Variants in GPRC5C observed in about 807,000 individuals in gnomAD.
The protein encoded by GPRC5C is G protein-coupled receptor class C group 5 member C.
A neutral mutation model predicts 31.4 loss-of-function variants in GPRC5C; 22 were observed. The observed-to-expected ratio is 0.70, with a 90% confidence interval of 0.50 to 1.00. The LOEUF (loss-of-function observed/expected upper bound fraction) is 1.00, where lower values mean the gene tolerates loss of function less well. Among genes scored for constraint, GPRC5C ranks in the 50% least tolerant of loss-of-function variants. The pLI is 0.00. For missense variants in GPRC5C, 557 were observed against 597.2 expected (o/e 0.93, Z 0.70); for synonymous variants, 249 against 257.5 (o/e 0.97, Z 0.32).
chr17:74,436,172 A>G (rs553408493), intron 1 of GPRC5C, among the ~76,000 whole-genome samples: 1 of 152,316 alleles, frequency 6.6e-6, no homozygotes, highest in East Asian at 1.9e-4. Context: ...CAGCAGCTGC[A>G]GCCTCCCTTT....
chr17:74,443,635 G>C (rs1342384086), intron 2 of GPRC5C, 183 bp from the exon 3 acceptor site: 2 of 698,000 alleles, frequency 2.9e-6, no homozygotes, highest in African/African-American at 3.5e-5. Context: ...AGGCTTGGGA[G>C]GGGGCCCCCG....
downstream of GPRC5C, among the ~76,000 whole-genome samples, chr17:74,448,235 A>G (rs1376862219): frequency 6.6e-6 from 1 of 152,204 alleles, no homozygotes; most frequent in Non-Finnish European, 1.5e-5. Context: ...CAGGAGGTCG[A>G]GGCTGCAGTG....
chr17:74,440,753 C>T lies in GPRC5C; in HGVS notation c.977C>T (p.Thr326Ile). 6.3e-7 allele frequency: 1 copy of T among 1,584,948 alleles called. No individual in the cohort carries two copies. Among genetic ancestry groups the T allele is most frequent in the Non-Finnish European group, 8.6e-7 (1 of 1,160,040 alleles). ...MYPTRGVGYE[T>I]ILKEQKGQSM... Reference sequence around the variant, plus strand: ...CCCACCCGGGGCGTGGGCTATGAGACCATCCTGAAAGAGCAGAAGGGTCAG... The same window carrying T: ...CCCACCCGGGGCGTGGGCTATGAGATCATCCTGAAAGAGCAGAAGGGTCAG... The change falls in exon 2 of 4, where the codon ACC becomes ATC. Residue 326 changes from threonine to isoleucine, a missense_variant. Thr to Ile is a moderately conservative substitution (Grantham distance 89). Transcript: ENST00000392627. The surrounding 1 kb of genome is among the most constrained non-coding windows in gnomAD (Gnocchi z 4.4).
chr17:74,446,924 C>T lies in GPRC5C; in HGVS notation c.1222C>T (p.Leu408=), dbSNP rs1268657627. The T allele has an allele frequency of 3.1e-6, 5 of 1,614,030 alleles. No homozygotes were observed. The highest frequency in any genetic ancestry group is 1.3e-5 in the African/African-American group (1 of 74,956). Residue 408 remains leucine (L), a synonymous_variant, in exon 4 of 4, where the codon CTG becomes TTG. Transcript: ENST00000392627. ...GGTGATGGGCAGTGCCAACTCGACC[C>T]TGCGGGCTGAAGACATGTACTCGGC... The part of the protein sequence containing the change: ...SQVMGSANST[L]RAEDMYSAQS...
downstream of GPRC5C, chr17:74,449,381 G>A (rs1397714193): frequency 8.6e-6 from 11 of 1,284,692 alleles, no homozygotes; most frequent in East Asian, 5.6e-5. Context: ...CCCTCTTCCC[G>A]GGACTGCACG....
At position 74,440,684 on chromosome 17, in the gene GPRC5C, T is replaced by G. The variant is rs1389130173; in HGVS notation, c.908T>G (p.Val303Gly). ...LFYVIPEVSQ[V>G]TKSSPEQSYQ... ...TACGTCATCCCCGAGGTCTCCCAGG[T>G]GACCAAGTCCAGCCCAGAGCAAAGC... Residue 303 changes from valine (V) to glycine (G), a missense_variant, in exon 2 of 4, where the codon GTG becomes GGG. Val to Gly is a moderately radical substitution (Grantham distance 109). Coordinates refer to ENST00000392627, the MANE Select transcript of GPRC5C (RefSeq NM_022036.4). The surrounding 1 kb of genome is among the most constrained non-coding windows in gnomAD (Gnocchi z 4.4). 4 of 1,608,528 alleles carry G rather than the reference T, an allele frequency of 2.5e-6. No homozygotes were observed. Among genetic ancestry groups the G allele is most frequent in the Non-Finnish European group, 3.4e-6 (4 of 1,175,682 alleles).
chr17:74,451,611 G>A (rs2670831), downstream of GPRC5C: 36,106 of 151,492 alleles, frequency 0.24, 5,026 homozygotes, highest in African/African-American at 0.4. Flanking sequence ...TAACTGCTCA[G>A]AATTAAACGA....
intron 1 of GPRC5C, among the ~76,000 whole-genome samples, chr17:74,438,207 A>ATATATC (rs2055465694): frequency 7.3e-4 from 3 of 4,130 alleles, no homozygotes; most frequent in African/African-American, 1.2e-3. Context: ...CTGCTAATTC[A>ATATATC]TATATATATA....
intron 3 of GPRC5C, 51 bp from the exon 4 acceptor site, chr17:74,446,798 G>A (rs565696937): frequency 3.9e-5 from 56 of 1,445,626 alleles, no homozygotes; most frequent in South Asian, 5.8e-5. Context: ...CCGCCCCGGC[G>A]GAACCTGGCT....
At chr17:74,449,010 GC>G, downstream of GPRC5C, 1 of 725,704 alleles carries the variant, frequency 1.4e-6, no homozygotes, top group Non-Finnish European at 2.1e-6. Flanking sequence ...CCAGGGGGCT[GC>G]CAGGCCGGCC....
At chr17:74,432,747 T>A (rs1189572329) in intron 1 of GPRC5C, among the ~76,000 whole-genome samples, 1 of 150,914 alleles carries the variant, frequency 6.6e-6, no homozygotes, top group African/African-American at 2.4e-5. Flanking sequence ...AACCACTCCA[T>A]AATCGGGGTC....
downstream of GPRC5C, chr17:74,451,582 C>G (rs916304009): frequency 6.6e-6 from 1 of 152,176 alleles, no homozygotes; most frequent in Non-Finnish European, 1.5e-5. Flanking sequence ...CACTGTCAAA[C>G]CGAGGACTTT....
At chr17:74,432,208 C>T (rs1161870606) in intron 1 of GPRC5C, 67 bp downstream of exon 1, 4 of 1,559,800 alleles carry the variant, frequency 2.6e-6, no homozygotes, top group African/African-American at 2.7e-5. Context: ...GTACCTGGAG[C>T]GCGGCGGGCG....
At chr17:74,433,282 A>C (rs60879525) in intron 1 of GPRC5C, among the ~76,000 whole-genome samples, 27,365 of 151,718 alleles carry the variant, frequency 0.18, 6,577 homozygotes, top group African/African-American at 0.55. Flanking sequence ...GAGGGAGTGC[A>C]TTGGGGGGTG....
At chr17:74,441,014 C>T (rs945691472) in intron 2 of GPRC5C, among the ~76,000 whole-genome samples, 187 bp downstream of exon 2, 5 of 151,768 alleles carry the variant, frequency 3.3e-5, no homozygotes, top group Non-Finnish European at 5.9e-5. Context: ...GTAGATCATG[C>T]CTGTAATCCT....
Position 74,447,189 on chromosome 17 carries a change from A to T in GPRC5C, c.*161A>T, listed in dbSNP as rs551259964. On this transcript the variant is annotated 3_prime_UTR_variant, in exon 4 of 4. Coordinates refer to ENST00000392627, the MANE Select transcript of GPRC5C (RefSeq NM_022036.4). ...CTCTGCCAGTGTTTGGGTGGGTGTC[A>T]TGGGTGTCCCCACCCACTCCTCAGT... The T allele has an allele frequency of 7.1e-7, 1 of 1,410,202 alleles. No individual in the cohort carries two copies. The highest frequency in any genetic ancestry group is 1.5e-5 in the South Asian group (1 of 64,642). 87.4% of individuals were successfully genotyped at this position (1,410,202 alleles called of 1,614,324 possible).
intron 2 of GPRC5C, chr17:74,443,156 A>G (rs536037601): frequency 5.9e-6 from 1 of 169,754 alleles, no homozygotes; most frequent in East Asian, 1.9e-4. Flanking sequence ...GCCCTCCTCA[A>G]ACACCCTGGG....
chr17:74,432,852 A>G (rs2055376065), intron 1 of GPRC5C, among the ~76,000 whole-genome samples: 1 of 151,450 alleles, frequency 6.6e-6, no homozygotes, highest in African/African-American at 2.4e-5. Context: ...GCTACTGTGG[A>G]TGTGGAGGGC....
At chr17:74,432,470 G>A in intron 1 of GPRC5C, 1 of 1,066,294 alleles carries the variant, frequency 9.4e-7, no homozygotes, top group Non-Finnish European at 1.1e-6. Context: ...CCCCGCCTGG[G>A]GCTGGAGTTG....
Sources: gnomAD v4.1 joint callset for allele counts (sites outside exome capture counted in the v4.1 genomes callset) on GRCh38, gnomAD v4.1.1 for gene constraint, Gnocchi (gnomAD v3.1) non-coding constraint, MANE v1.5 for transcripts, NCBI Gene and HGNC (gene_info 2026-07-23, HGNC 2026-07-21) for gene names.